The following EPB42 variants were observed in gnomAD, a reference collection of about 807,000 sequenced individuals.
The protein encoded by EPB42 is protein 4.2.
Under a neutral mutation model 76.9 loss-of-function variants are expected in EPB42, and 49 were observed. That is an observed-to-expected ratio of 0.64 (90% CI 0.51 to 0.81). The LOEUF is 0.81. EPB42 is among the 30% of genes least tolerant of loss of function. EPB42 has a pLI of 0.00. For missense variants in EPB42, 731 were observed against 867.6 expected (o/e 0.84, Z 1.98); for synonymous variants, 310 against 338.4 (o/e 0.92, Z 0.92).
intron 8 of EPB42, among the ~76,000 whole-genome samples, 191 bp downstream of exon 8, chr15:43,208,039 T>C (rs1045579669): frequency 6.6e-6 from 1 of 152,214 alleles, no homozygotes; most frequent in Non-Finnish European, 1.5e-5. Context: ...GTAGCCGGGA[T>C]AGCAGGCACC....
rs370485362 is a variant in EPB42, at chr15:43,206,402, C to T, written c.1546G>A (p.Val516Ile). 5.6e-6 allele frequency: 9 copies of T among 1,614,046 alleles called. No individual in the cohort carries two copies. Among genetic ancestry groups the T allele is most frequent in the Admixed American group, 1.7e-5 (1 of 60,006 alleles). ...AVQLAIGVQA[V>I]HYNGVLAAKL... ...GCAGCAAGGACACCGTTGTAGTGTA[C>T]AGCCTGGACCCCAATTGCCAGCTGC... Residue 516 changes from valine to isoleucine, a missense_variant, in exon 10 of 13, where the codon GTA becomes ATA. Coordinates refer to ENST00000441366, the MANE Select transcript of EPB42 (RefSeq NM_001114134.2). The surrounding 1 kb of genome is among the most constrained non-coding windows in gnomAD (Gnocchi z 4.7).
chr15:43,225,719 G>A (rs1481165997), upstream of EPB42, among the ~76,000 whole-genome samples: 1 of 151,164 alleles, frequency 6.6e-6, no homozygotes, highest in South Asian at 2.1e-4. Flanking sequence ...CTGTAAAAAA[G>A]AAGTTTGAGT....
At chr15:43,199,621 C>T (rs2042097513) in intron 12 of EPB42, among the ~76,000 whole-genome samples, 2 of 152,038 alleles carry the variant, frequency 1.3e-5, no homozygotes, top group African/African-American at 4.8e-5. Flanking sequence ...CTTTGGGGAA[C>T]TGTTGGGAAG....
intron 1 of EPB42, 119 bp from the exon 2 acceptor site, chr15:43,216,572 C>T: frequency 9.2e-7 from 1 of 1,089,530 alleles, no homozygotes; most frequent in Non-Finnish European, 1.4e-6. Context: ...TACGTTTTAG[C>T]TGCGCAATCC....
In EPB42 at chr15:43,207,244, T is replaced by C; in HGVS notation, c.1273A>G (p.Ser425Gly). Residue 425 changes from serine to glycine, a missense_variant, in exon 9 of 13, where the codon AGT becomes GGT. Transcript: ENST00000441366. Reference sequence around the variant, plus strand: ...TGAGTGATGTCCTCGCAGCGGTCACTGCCCACACCCTTGGTGCTGATGTTG... The same window carrying C: ...TGAGTGATGTCCTCGCAGCGGTCACCGCCCACACCCTTGGTGCTGATGTTG... ...GNNISTKGVG[S>G]DRCEDITQNY... 1 of 1,614,204 alleles carries C rather than the reference T, an allele frequency of 6.2e-7. No individual in the cohort carries two copies.
intron 11 of EPB42, 43 bp from the exon 12 acceptor site, chr15:43,202,020 GCTGCAGTCA>G (rs1567271381): frequency 1.9e-6 from 3 of 1,612,836 alleles, no homozygotes; most frequent in South Asian, 1.1e-5. Context: ...CAAGGGCACA[GCTGCAGTCA>G]CTCTCTCCTC....
intron 1 of EPB42, among the ~76,000 whole-genome samples, chr15:43,216,949 T>C (rs1421096242): frequency 6.6e-6 from 1 of 152,224 alleles, no homozygotes; most frequent in Non-Finnish European, 1.5e-5. Flanking sequence ...TGGAACTGTC[T>C]CACCCAAGAC....
intron 7 of EPB42, 129 bp downstream of exon 7, chr15:43,208,508 G>T: frequency 1.3e-6 from 2 of 1,493,892 alleles, no homozygotes; most frequent in Non-Finnish European, 9.3e-7. Flanking sequence ...CATCAGCGCC[G>T]CCTCTAAGGG....
chr15:43,202,899 T>A (rs905629619), intron 11 of EPB42, among the ~76,000 whole-genome samples: 3 of 152,226 alleles, frequency 2.0e-5, no homozygotes, highest in African/African-American at 7.2e-5. Context: ...AAGGCCCCAA[T>A]TTTAGAAACC....
chr15:43,198,768 G>A (rs2042084550), intron 12 of EPB42, among the ~76,000 whole-genome samples: 1 of 152,170 alleles, frequency 6.6e-6, no homozygotes, highest in African/African-American at 2.4e-5. Flanking sequence ...AGGCTCAGGA[G>A]GAAAAAGTGG....
chr15:43,208,176 G>T, intron 8 of EPB42, 54 bp downstream of exon 8: 1 of 1,525,216 alleles, frequency 6.6e-7, no homozygotes, highest in Non-Finnish European at 9.1e-7. Flanking sequence ...TCCTCTCTGG[G>T]GACTTCAGCT....
At chr15:43,214,113 C>T (rs1163301585) in intron 3 of EPB42, among the ~76,000 whole-genome samples, 2 of 152,198 alleles carry the variant, frequency 1.3e-5, no homozygotes, top group Non-Finnish European at 2.9e-5. Flanking sequence ...ACAGGAAAGC[C>T]GGGAGAAACT....
At position 43,214,683 on chromosome 15, in the gene EPB42, CCG is replaced by C. The variant is rs1318511996; in HGVS notation, c.430+410_430+411del. Among the ~76,000 whole-genome samples, 11 of 152,214 alleles carry C rather than the reference CCG, an allele frequency of 7.2e-5. No individual in the cohort carries two copies. In the East Asian group the frequency reaches 1.9e-3, roughly 27 times the overall value. ...TGAGTGCACTCTGGAAACAGAATAG[CCG>C]GGGAGAGAGAGAGAAGCCCATCCTC... On this transcript the variant is annotated intron_variant, in intron 3 of 12. Transcript: ENST00000441366.
chr15:43,215,144 C>T lies in EPB42; in HGVS notation c.381G>A (p.Lys127=). The part of the protein sequence containing the change: ...YSLLLQVSGR[K]QLLLGQFTLL... ...GTGTGAACTGACCCAAGAGGAGTTGCTTCCTGCCTGAGACCTGCAGCAGAA... is the reference window on the plus strand; with the variant it reads ...GTGTGAACTGACCCAAGAGGAGTTGTTTCCTGCCTGAGACCTGCAGCAGAA... Residue 127 remains lysine (K), a synonymous_variant, in exon 3 of 13, where the codon AAG becomes AAA. Coordinates refer to ENST00000441366, the MANE Select transcript of EPB42 (RefSeq NM_001114134.2). 6.2e-7 allele frequency: 1 copy of T among 1,614,240 alleles called. No homozygotes were observed. Among genetic ancestry groups the T allele is most frequent in the South Asian group, 1.1e-5 (1 of 91,086 alleles).
chr15:43,199,845 A>G (rs2142257478), intron 12 of EPB42, among the ~76,000 whole-genome samples: 1 of 152,218 alleles, frequency 6.6e-6, no homozygotes, highest in African/African-American at 2.4e-5. Context: ...TAGGTTTCTC[A>G]TGGGTTTCCA....
At chr15:43,207,853 CT>C (rs2042228688) in intron 8 of EPB42, among the ~76,000 whole-genome samples, 1 of 152,162 alleles carries the variant, frequency 6.6e-6, no homozygotes. Context: ...CTGAAGCTTC[CT>C]TTTCTGGGCT....
intron 3 of EPB42, 47 bp from the exon 4 acceptor site, chr15:43,211,581 C>T (rs2042297555): frequency 8.1e-7 from 1 of 1,234,796 alleles, no homozygotes; most frequent in African/African-American, 1.5e-5. Flanking sequence ...GTCCTAGGTC[C>T]ACCCTCCACA....
chr15:43,218,461 T>G (rs2042410734), intron 1 of EPB42, among the ~76,000 whole-genome samples: 1 of 152,116 alleles, frequency 6.6e-6, no homozygotes, highest in Non-Finnish European at 1.5e-5. Context: ...CTGGCAGAGG[T>G]CAGTCCTCTG....
In EPB42 at chr15:43,211,540, G is replaced by A; in HGVS notation, c.431-6C>T. On this transcript the variant is annotated splice_polypyrimidine_tract_variant and splice_region_variant and intron_variant, in intron 3 of 12. Transcript: ENST00000441366. ...CTTCAGGAACACAGCATCCTCTGGT[G>A]AGAGGTGGGTAGGGATGAGGGCCTG... 6.3e-7 allele frequency: 1 copy of A among 1,597,742 alleles called. No individual in the cohort carries two copies. The highest frequency in any genetic ancestry group is 8.6e-7 in the Non-Finnish European group (1 of 1,165,058).
Sources: gnomAD v4.1 joint callset for allele counts (sites outside exome capture counted in the v4.1 genomes callset) on GRCh38, gnomAD v4.1.1 for gene constraint, Gnocchi (gnomAD v3.1) non-coding constraint, MANE v1.5 for transcripts, NCBI Gene and HGNC (gene_info 2026-07-23, HGNC 2026-07-21) for gene names.